MAPK14: variants seen among roughly 807,000 people sequenced by gnomAD.
The protein encoded by MAPK14 is CSAID-binding protein.
MAPK14 carries 16 observed loss-of-function variants against 49.6 expected under a neutral mutation model. The observed-to-expected ratio is 0.32, with a 90% CI of 0.22 to 0.49. The LOEUF (loss-of-function observed/expected upper bound fraction) is 0.49. Ranked by LOEUF, MAPK14 falls within the 20% of genes least tolerant of loss-of-function variation. The pLI is 0.99. For synonymous variants in MAPK14, 142 were observed against 158.0 expected (o/e 0.90, Z 0.76); for missense variants, 200 against 441.2 (o/e 0.45, Z 4.90).
intron 10 of MAPK14, among the ~76,000 whole-genome samples, chr6:36,104,875 G>C (rs1488769172): frequency 6.6e-6 from 1 of 152,078 alleles, no homozygotes. Flanking sequence ...CCTCCTGATA[G>C]GTCTTCCCAT....
chr6:36,092,098 G>GC (rs1765257579), intron 8 of MAPK14: 97 of 508,804 alleles, frequency 1.9e-4, no homozygotes, highest in South Asian at 1.3e-3. Context: ...AGCTACGAGA[G>GC]CATCGAGTCC....
chr6:36,093,463 T>C (rs1295026458), intron 8 of MAPK14, among the ~76,000 whole-genome samples: 1 of 152,166 alleles, frequency 6.6e-6, no homozygotes, highest in Non-Finnish European at 1.5e-5. Flanking sequence ...CTCACGCCTG[T>C]AATCCCAGCC....
chr6:36,068,895 T>C (rs1346545397), intron 3 of MAPK14, among the ~76,000 whole-genome samples: 2 of 152,206 alleles, frequency 1.3e-5, no homozygotes, highest in African/African-American at 4.8e-5. Flanking sequence ...CATTGAGAAA[T>C]GTGATTTGTG....
intron 4 of MAPK14, 134 bp from the exon 5 acceptor site, chr6:36,073,557 G>C (rs1764394239): frequency 1.5e-6 from 1 of 680,254 alleles, no homozygotes; most frequent in Non-Finnish European, 2.5e-6. Context: ...AATACTGATA[G>C]TTACTTATGC....
At chr6:36,115,594 G>A (rs1369377512), downstream of MAPK14, among the ~76,000 whole-genome samples, 1 of 151,842 alleles carries the variant, frequency 6.6e-6, no homozygotes, top group Non-Finnish European at 1.5e-5. Flanking sequence ...GGATGAGCCT[G>A]GCCAACATGG....
the MAPK14 span, among the ~76,000 whole-genome samples, chr6:36,121,379 C>T: frequency 5.9e-5 from 9 of 152,224 alleles, no homozygotes; most frequent in Admixed American, 5.9e-4. Flanking sequence ...CTGCCGCTGG[C>T]TGCCTGTCAC....
At chr6:36,061,790 G>T (rs902562195) in intron 3 of MAPK14, among the ~76,000 whole-genome samples, 9 of 152,140 alleles carry the variant, frequency 5.9e-5, no homozygotes, top group Non-Finnish European at 8.8e-5. Flanking sequence ...ACCACTGTAG[G>T]CCCAGTCATT....
intron 8 of MAPK14, among the ~76,000 whole-genome samples, chr6:36,078,308 A>G (rs1235681942): frequency 6.6e-6 from 1 of 152,230 alleles, no homozygotes; most frequent in East Asian, 1.9e-4. Context: ...AGTAAATGTT[A>G]GCCATCATGT....
chr6:36,111,351 G>C (rs1182200019), downstream of MAPK14: 1 of 152,130 alleles, frequency 6.6e-6, no homozygotes, highest in Admixed American at 6.6e-5. Flanking sequence ...TTACCATCTG[G>C]CCCTTTAGAG....
chr6:36,083,155 C>G (rs1764832873), intron 8 of MAPK14, among the ~76,000 whole-genome samples: 1 of 152,204 alleles, frequency 6.6e-6, no homozygotes, highest in African/African-American at 2.4e-5. Flanking sequence ...TTCACCTTCT[C>G]TCAATGGGAC....
chr6:36,115,006 AGT>A (rs1766036481), downstream of MAPK14, among the ~76,000 whole-genome samples: 2 of 152,210 alleles, frequency 1.3e-5, no homozygotes, highest in Non-Finnish European at 2.9e-5. Flanking sequence ...ATCTGGGAAC[AGT>A]GTGTGTCTCT....
chr6:36,114,368 G>A (rs544049121), downstream of MAPK14, among the ~76,000 whole-genome samples: 7 of 152,324 alleles, frequency 4.6e-5, no homozygotes, highest in Admixed American at 2.0e-4. Flanking sequence ...TGTAATCCCA[G>A]CACTTTGGGA....
chr6:36,072,621 C>T (rs932890695), intron 3 of MAPK14, among the ~76,000 whole-genome samples: 8 of 151,870 alleles, frequency 5.3e-5, no homozygotes, highest in Middle Eastern at 3.4e-3. Context: ...AAAGATTAGC[C>T]GGGCATGGTG....
At chr6:36,046,139 G>T (rs945565286) in intron 1 of MAPK14, among the ~76,000 whole-genome samples, 2 of 152,042 alleles carry the variant, frequency 1.3e-5, no homozygotes, top group African/African-American at 4.8e-5. Flanking sequence ...CTGGATTCAC[G>T]GTCAGCAGTA....
rs200755446 is a variant in MAPK14, at chr6:36,108,610, G to A, written c.*163G>A. ...TGCGTGTTAGTGTGTGTGCATGTGTGTGTCTGTCTTTGTGGGAGGGTAAGA... is the reference window on the plus strand; with the variant it reads ...TGCGTGTTAGTGTGTGTGCATGTGTATGTCTGTCTTTGTGGGAGGGTAAGA... On this transcript the variant is annotated 3_prime_UTR_variant, in exon 12 of 12. Transcript: ENST00000229794. 110 of 638,522 alleles carry A rather than the reference G, an allele frequency of 1.7e-4. 1 individual carries two copies. The South Asian group carries it at 1.8e-3, about 10-fold the overall frequency. The allele number at this position is 638,522 out of a possible 1,614,324, so 39.6% of individuals were successfully genotyped here. A position where few individuals can be genotyped will look rare whatever the true frequency, so the allele number is the denominator to read the frequency against.
At chr6:36,104,066 G>A (rs568200568) in intron 10 of MAPK14, among the ~76,000 whole-genome samples, 2 of 152,190 alleles carry the variant, frequency 1.3e-5, no homozygotes, top group Non-Finnish European at 2.9e-5. Context: ...GAATTTTAGT[G>A]TCGCTGTGAT....
intron 8 of MAPK14, among the ~76,000 whole-genome samples, chr6:36,078,227 C>A (rs1228989699): frequency 6.6e-6 from 1 of 152,166 alleles, no homozygotes; most frequent in East Asian, 1.9e-4. Context: ...TGATAATAAT[C>A]ATACATACTC....
At chr6:36,089,195 C>T (rs1299571852) in intron 8 of MAPK14, among the ~76,000 whole-genome samples, 1 of 152,148 alleles carries the variant, frequency 6.6e-6, no homozygotes. Flanking sequence ...AAACATGGTA[C>T]ATATACACCA....
At chr6:36,035,366 A>G (rs997981153) in intron 1 of MAPK14, among the ~76,000 whole-genome samples, 8 of 152,212 alleles carry the variant, frequency 5.3e-5, no homozygotes, top group African/African-American at 1.9e-4. Context: ...GACTTAATTG[A>G]TAAACATTGT....
Sources: gnomAD v4.1 joint callset for allele counts (sites outside exome capture counted in the v4.1 genomes callset) on GRCh38, gnomAD v4.1.1 for gene constraint, MANE v1.5 for transcripts, NCBI Gene and HGNC (gene_info 2026-07-23, HGNC 2026-07-21) for gene names.